CCDC152: variants seen among roughly 807,000 people sequenced by gnomAD.
The protein encoded by CCDC152 is coiled-coil domain-containing protein 152.
CCDC152 carries 37 observed loss-of-function variants against 38.1 expected under a neutral mutation model. The ratio of observed to expected loss-of-function variants is 0.97; its 90% confidence interval spans 0.75 to 1.28. The LOEUF is 1.28. Among genes scored for constraint, CCDC152 ranks in the 50% most tolerant of loss-of-function variants. The pLI is 0.00. For missense variants in CCDC152, 259 were observed against 292.1 expected, an observed-to-expected ratio of 0.89 and a Z score of 0.83; for synonymous variants, 83 against 87.1, an observed-to-expected ratio of 0.95 and a Z score of 0.26.
intron 4 of CCDC152, among the ~76,000 whole-genome samples, chr5:42,770,791 T>C (rs1759686999): frequency 6.6e-6 from 1 of 152,182 alleles, no homozygotes; most frequent in South Asian, 2.1e-4. Flanking sequence ...ATTTCCTTCA[T>C]CAATGTTTTA....
At position 42,801,525 on chromosome 5, in the gene CCDC152, A is replaced by G; in HGVS notation, c.*1744A>G. ...CATTTTATTAAAGGCTTAAAAAGAA[A>G]GCCAAACCACTGTACTTATATTTGC... On this transcript the variant is annotated 3_prime_UTR_variant, in exon 9 of 9. Coordinates refer to ENST00000361970, the MANE Select transcript of CCDC152 (RefSeq NM_001134848.2). 1 of 535,184 alleles carries G rather than the reference A, an allele frequency of 1.9e-6. No individual in the cohort carries two copies. Among genetic ancestry groups the G allele is most frequent in the Non-Finnish European group, 3.2e-6 (1 of 308,558 alleles). The allele number at this position is 535,184 out of a possible 1,614,324, so 33.2% of individuals were successfully genotyped here. A position where few individuals can be genotyped will look rare whatever the true frequency, so the allele number is the denominator to read the frequency against.
intron 4 of CCDC152, among the ~76,000 whole-genome samples, chr5:42,776,740 G>A (rs1209902731): frequency 6.6e-6 from 1 of 152,098 alleles, no homozygotes; most frequent in African/African-American, 2.4e-5. Context: ...TGGAATTAAA[G>A]TAGACATCAA....
chr5:42,793,603 G>C (rs1392935897), intron 6 of CCDC152, among the ~76,000 whole-genome samples: 1 of 151,972 alleles, frequency 6.6e-6, no homozygotes, highest in African/African-American at 2.4e-5. Flanking sequence ...AAAGAACTTG[G>C]GGAATTTTCT....
intron 6 of CCDC152, among the ~76,000 whole-genome samples, chr5:42,790,608 G>C (rs1381745627): frequency 6.6e-6 from 1 of 152,190 alleles, no homozygotes; most frequent in African/African-American, 2.4e-5. Context: ...AAGGGAACCA[G>C]GAGAGACTGG....
intron 4 of CCDC152, among the ~76,000 whole-genome samples, chr5:42,776,383 A>C (rs769460601): frequency 2.8e-4 from 43 of 152,214 alleles, no homozygotes; most frequent in Non-Finnish European, 5.3e-4. Flanking sequence ...TAATTCTCCA[A>C]GAAGACATAA....
At chr5:42,777,018 T>C (rs1168136342) in intron 4 of CCDC152, among the ~76,000 whole-genome samples, 1 of 150,982 alleles carries the variant, frequency 6.6e-6, no homozygotes, top group Non-Finnish European at 1.5e-5. Flanking sequence ...GGAGAACAAA[T>C]TAAATCCAAA....
intron 1 of CCDC152, among the ~76,000 whole-genome samples, chr5:42,758,277 T>TAAACA (rs1281724194): frequency 6.6e-6 from 1 of 152,250 alleles, no homozygotes; most frequent in African/African-American, 2.4e-5. Flanking sequence ...AACTTCCTTT[T>TAAACA]AAACAATAAT....
At chr5:42,765,983 G>A (rs534533757) in intron 3 of CCDC152, among the ~76,000 whole-genome samples, 1 of 152,166 alleles carries the variant, frequency 6.6e-6, no homozygotes, top group African/African-American at 2.4e-5. Context: ...ACAACCCACA[G>A]AATGGGAAAA....
chr5:42,759,250 T>C, intron 2 of CCDC152, 42 bp downstream of exon 2: 1 of 1,257,824 alleles, frequency 8.0e-7, no homozygotes, highest in South Asian at 1.5e-5. Context: ...TAGGGATACA[T>C]GGAACAGATT....
rs1760126841 is a variant in CCDC152, at chr5:42,799,307, T to C, written c.559-68T>C. On this transcript the variant is annotated intron_variant, in intron 7 of 8. Coordinates refer to ENST00000361970, the MANE Select transcript of CCDC152 (RefSeq NM_001134848.2). ...TTACATGTCAAAGGATAACATGGAT[T>C]ATAATTATAGAAACAATTGTTTCTA... 1.2e-5 allele frequency: 10 copies of C among 804,006 alleles called. 1 individual carries two copies. In the South Asian group the frequency reaches 1.6e-4, roughly 13 times the overall value. The allele number at this position is 804,006 out of a possible 1,614,324, so 49.8% of individuals were successfully genotyped here.
intron 3 of CCDC152, among the ~76,000 whole-genome samples, chr5:42,764,472 A>T (rs2973001): frequency 0.45 from 67,746 of 151,626 alleles, 15,295 homozygotes; most frequent in East Asian, 0.58. Flanking sequence ...AAAGACACAT[A>T]AAAAAAAATA....
chr5:42,764,129 C>A (rs143882891), intron 3 of CCDC152, among the ~76,000 whole-genome samples: 1 of 151,994 alleles, frequency 6.6e-6, no homozygotes, highest in Non-Finnish European at 1.5e-5. Flanking sequence ...AACTAAATTT[C>A]GACCAGGCAT....
chr5:42,757,426 C>T (rs1225964312), intron 1 of CCDC152, among the ~76,000 whole-genome samples: 1 of 152,154 alleles, frequency 6.6e-6, no homozygotes, highest in East Asian at 1.9e-4. Context: ...CTGTCACGCT[C>T]CTGTGGGGAT....
In CCDC152 at chr5:42,801,466, G is replaced by T; in HGVS notation, c.*1685G>T. ...CGAGCTGGCTTTGTATTATATTAAT[G>T]AGAAAGAGTCTGATGTTAGTCTCAA... On this transcript the variant is annotated 3_prime_UTR_variant, in exon 9 of 9. Coordinates refer to ENST00000361970, the MANE Select transcript of CCDC152 (RefSeq NM_001134848.2). The T allele has an allele frequency of 1.5e-6, 1 of 655,892 alleles. No homozygotes were observed. The highest frequency in any genetic ancestry group is 2.2e-5 in the South Asian group (1 of 45,510). 40.6% of individuals were successfully genotyped at this position (655,892 alleles called of 1,614,324 possible).
In CCDC152 at chr5:42,801,381, T is replaced by C. The variant is rs763198729; in HGVS notation, c.*1600T>C. 16 of 1,283,584 alleles carry C rather than the reference T, an allele frequency of 1.2e-5. No individual in the cohort carries two copies. The highest frequency in any genetic ancestry group is 1.5e-5 in the Non-Finnish European group (14 of 928,188). 79.5% of individuals were successfully genotyped at this position (1,283,584 alleles called of 1,614,324 possible). ...TTTAACAAGCTTATAGAGATAGGAA[T>C]AATGCGTGAAAAATGATTTGTAGAG... is the stretch of plus-strand genomic sequence containing the variant. On this transcript the variant is annotated 3_prime_UTR_variant, in exon 9 of 9. Coordinates refer to ENST00000361970, the MANE Select transcript of CCDC152 (RefSeq NM_001134848.2).
rs572439561 is a variant in CCDC152, at chr5:42,779,136, C to G, written c.263-322C>G. On this transcript the variant is annotated intron_variant, in intron 4 of 8. Coordinates refer to ENST00000361970, the MANE Select transcript of CCDC152 (RefSeq NM_001134848.2). ...CTCAAGTAGCTTCTCTTCTCTAAAT[C>G]CTTTCCTGACTTCAAGCTGCCCTAG... Among the ~76,000 whole-genome samples, 11 of 152,284 alleles carry G rather than the reference C, an allele frequency of 7.2e-5. No individual in the cohort carries two copies. The South Asian group carries it at 2.3e-3, about 32-fold the overall frequency.
chr5:42,788,529 G>A (rs566122820), intron 6 of CCDC152, among the ~76,000 whole-genome samples: 1 of 152,004 alleles, frequency 6.6e-6, no homozygotes, highest in African/African-American at 2.4e-5. Flanking sequence ...CAAAGTGCTG[G>A]GATTACAGGC....
chr5:42,800,801 A>C lies in CCDC152; in HGVS notation c.*1020A>C. 6.2e-7 allele frequency: 1 copy of C among 1,614,146 alleles called. No individual in the cohort carries two copies. The highest frequency in any genetic ancestry group is 8.5e-7 in the Non-Finnish European group (1 of 1,180,022). ...TGGCTTCTGTGGGTATAAGCTGCTG[A>C]CTTATTTGTCAGGCAGCTGGAGGCA... On this transcript the variant is annotated 3_prime_UTR_variant, in exon 9 of 9. Coordinates refer to ENST00000361970, the MANE Select transcript of CCDC152 (RefSeq NM_001134848.2).
chr5:42,782,569 TA>T (rs1298458423), intron 5 of CCDC152, among the ~76,000 whole-genome samples: 2 of 152,090 alleles, frequency 1.3e-5, no homozygotes, highest in Non-Finnish European at 2.9e-5. Flanking sequence ...TAAAAAATTT[TA>T]GTTGGAAAGG....
Sources: allele counts gnomAD v4.1 joint callset (sites outside exome capture counted in the v4.1 genomes callset), GRCh38; gene constraint gnomAD v4.1.1; transcripts MANE v1.5; gene names NCBI Gene and HGNC (gene_info 2026-07-23, HGNC 2026-07-21).